Variants in IL1RAPL1 observed in about 807,000 individuals in gnomAD.
IL1RAPL1 encodes interleukin-1 receptor accessory protein-like 1.
IL1RAPL1 carries 3 observed loss-of-function variants against 48.4 expected under a neutral mutation model. The ratio of observed to expected loss-of-function variants is 0.06; its 90% CI spans 0.03 to 0.16. IL1RAPL1 has a LOEUF of 0.16. Among genes scored for constraint, IL1RAPL1 ranks in the 10% least tolerant of loss-of-function variants. The pLI, the probability that IL1RAPL1 is intolerant of heterozygous loss-of-function variation, is 1.00. For missense variants in IL1RAPL1, 349 were observed against 530.6 expected, an observed-to-expected ratio of 0.66 and a Z score of 3.36; for synonymous variants, 185 against 187.7, an observed-to-expected ratio of 0.99 and a Z score of 0.12.
At chrX:29,867,356 C>T (rs1176565307) in intron 6 of IL1RAPL1, among the ~76,000 whole-genome samples, 3 of 111,341 alleles carry the variant, frequency 2.7e-5, no homozygotes, top group South Asian at 3.8e-4. Context: ...TATTAAGAAA[C>T]GGGGCCTTTT....
intron 1 of IL1RAPL1, among the ~76,000 whole-genome samples, chrX:28,781,535 CT>C (rs966226143): frequency 9.1e-6 from 1 of 110,297 alleles, no homozygotes; most frequent in African/African-American, 3.3e-5. Flanking sequence ...GATAATTTCC[CT>C]TTTGATTAAC....
intron 6 of IL1RAPL1, among the ~76,000 whole-genome samples, chrX:29,725,687 A>G (rs1180072066): frequency 8.9e-6 from 1 of 112,109 alleles, no homozygotes; most frequent in Non-Finnish European, 1.9e-5. Flanking sequence ...GTATCTAGCT[A>G]GAACTCAACA....
intron 1 of IL1RAPL1, among the ~76,000 whole-genome samples, chrX:28,706,899 A>G (rs1008702984): frequency 8.9e-6 from 1 of 112,337 alleles, no homozygotes; most frequent in Non-Finnish European, 1.9e-5. Context: ...AATGTGAATC[A>G]GGATTGATAA....
At chrX:29,469,870 CAG>C (rs914465580) in intron 5 of IL1RAPL1, among the ~76,000 whole-genome samples, 3 of 111,732 alleles carry the variant, frequency 2.7e-5, no homozygotes, top group Non-Finnish European at 3.8e-5. Flanking sequence ...CTAGTGAAAA[CAG>C]GGGGTAGCTT....
intron 2 of IL1RAPL1, among the ~76,000 whole-genome samples, chrX:28,901,749 A>AT (rs1371828696): frequency 1.8e-5 from 2 of 111,653 alleles, no homozygotes; most frequent in African/African-American, 6.5e-5. Flanking sequence ...ATTTGTTTTC[A>AT]TTTGCGGTAT....
At chrX:28,715,194 G>C (rs898974958) in intron 1 of IL1RAPL1, among the ~76,000 whole-genome samples, 1 of 112,288 alleles carries the variant, frequency 8.9e-6, no homozygotes, top group Non-Finnish European at 1.9e-5. Context: ...ATATAAAACA[G>C]TCTCTGGGAC....
chrX:29,477,467 C>T (rs1934990742), intron 5 of IL1RAPL1, among the ~76,000 whole-genome samples: 2 of 111,933 alleles, frequency 1.8e-5, no homozygotes, highest in Non-Finnish European at 1.9e-5. Flanking sequence ...TCTATATCCT[C>T]GTAAGCACAC....
intron 6 of IL1RAPL1, among the ~76,000 whole-genome samples, chrX:29,778,090 T>A (rs1158636417): frequency 9.0e-6 from 1 of 111,232 alleles, no homozygotes; most frequent in Non-Finnish European, 1.9e-5. Flanking sequence ...CATATCAATA[T>A]CACTATTGCA....
chrX:29,044,995 A>C, intron 2 of IL1RAPL1, among the ~76,000 whole-genome samples: 1 of 111,832 alleles, frequency 8.9e-6, no homozygotes, highest in Non-Finnish European at 1.9e-5. Flanking sequence ...TAAATACTTA[A>C]ATATTTTTTA....
At chrX:29,056,214 C>G (rs1327368357) in intron 2 of IL1RAPL1, among the ~76,000 whole-genome samples, 2 of 111,458 alleles carry the variant, frequency 1.8e-5, no homozygotes, top group African/African-American at 6.5e-5. Context: ...TTTGGTCAGT[C>G]TCTAGTTAGA....
chrX:28,901,202 A>G (rs1036138914), intron 2 of IL1RAPL1, among the ~76,000 whole-genome samples: 2 of 111,824 alleles, frequency 1.8e-5, no homozygotes, highest in Admixed American at 9.5e-5. Context: ...ACATAGAGCC[A>G]TTTCTTAGGC....
chrX:28,991,972 G>C (rs1049817854), intron 2 of IL1RAPL1, among the ~76,000 whole-genome samples: 1 of 111,384 alleles, frequency 9.0e-6, no homozygotes, highest in African/African-American at 3.3e-5. Context: ...TATAAAACTT[G>C]GTTCTCTTTC....
intron 6 of IL1RAPL1, among the ~76,000 whole-genome samples, chrX:29,700,401 C>G (rs1451872891): frequency 9.0e-6 from 1 of 111,228 alleles, no homozygotes; most frequent in East Asian, 2.8e-4. Flanking sequence ...ACATTAAAAC[C>G]CACTTGCTTC....
intron 2 of IL1RAPL1, among the ~76,000 whole-genome samples, chrX:28,964,352 A>G (rs746870742): frequency 8.0e-5 from 9 of 111,816 alleles, no homozygotes; most frequent in Non-Finnish European, 1.5e-4. Context: ...GTCTCTGCAC[A>G]TATAGATTTC....
intron 2 of IL1RAPL1, among the ~76,000 whole-genome samples, chrX:28,999,959 G>C (rs1198487001): frequency 9.0e-6 from 1 of 111,173 alleles, no homozygotes; most frequent in Admixed American, 9.7e-5. Flanking sequence ...AGCATTCCCC[G>C]GCTCCTCCAG....
chrX:29,405,671 G>A lies in IL1RAPL1; in HGVS notation c.703+6363G>A, dbSNP rs1169936578. Among the ~76,000 whole-genome samples the A allele has an allele frequency of 2.7e-5, 3 of 109,880 alleles. No individual in the cohort carries two copies. In the East Asian group the frequency reaches 8.6e-4, roughly 31 times the overall value. On this transcript the variant is annotated intron_variant, in intron 5 of 10. Coordinates refer to ENST00000378993, the MANE Select transcript of IL1RAPL1 (RefSeq NM_014271.4). ...GTGAGCCACCACGCCCAGGCTCTGT[G>A]TTCTTTCAAGATTGTCTGTGTTTTT...
At chrX:29,430,805 ATAAT>A (rs1934413651) in intron 5 of IL1RAPL1, among the ~76,000 whole-genome samples, 1 of 110,528 alleles carries the variant, frequency 9.0e-6, no homozygotes, top group African/African-American at 3.3e-5. Flanking sequence ...AATAATTAAA[ATAAT>A]TAACATGAAA....
At chrX:29,170,730 C>T (rs1016374152) in intron 2 of IL1RAPL1, among the ~76,000 whole-genome samples, 2 of 111,412 alleles carry the variant, frequency 1.8e-5, no homozygotes, top group African/African-American at 6.5e-5. Context: ...GATAAAATTT[C>T]TTTGAAGTTA....
chrX:28,653,721 A>T (rs1356909241), intron 1 of IL1RAPL1, among the ~76,000 whole-genome samples: 3 of 111,727 alleles, frequency 2.7e-5, no homozygotes, highest in Non-Finnish European at 5.6e-5. Flanking sequence ...ACCAGAGCAC[A>T]CTTCCATGTT....
Sources: allele counts gnomAD v4.1 joint callset (sites outside exome capture counted in the v4.1 genomes callset), GRCh38; gene constraint gnomAD v4.1.1; transcripts MANE v1.5; gene names NCBI Gene and HGNC (gene_info 2026-07-23, HGNC 2026-07-21).